The following MORC3 variants were observed in gnomAD, a reference collection of about 807,000 sequenced individuals.
MORC3 encodes the protein MORC family CW-type zinc finger 3.
A neutral mutation model predicts 109.1 loss-of-function variants in MORC3; 31 were observed. The ratio of observed to expected loss-of-function variants is 0.28; its 90% CI spans 0.21 to 0.38. The LOEUF is 0.38. Among genes scored for constraint, MORC3 ranks in the 10% least tolerant of loss-of-function variants. MORC3 has a pLI of 1.00. For missense variants in MORC3, 867 were observed against 1,135.8 expected (o/e 0.76, Z 3.40); for synonymous variants, 395 against 380.7 (o/e 1.04, Z -0.44).
rs369756500 is a variant in MORC3 at position 36,345,413 on chromosome 21, GT to G, written c.1005+390del. ...CTACAGGTGCATGCCACCACGCCTGGTTTTTTTTGTTTTTTGTTTTTTTTTT... is the reference window on the plus strand; with the variant it reads ...CTACAGGTGCATGCCACCACGCCTGGTTTTTTTGTTTTTTGTTTTTTTTTT... On this transcript the variant is annotated intron_variant, in intron 8 of 16. Transcript: ENST00000400485. Among the ~76,000 whole-genome samples the G allele has an allele frequency of 8.3e-4, 125 of 150,874 alleles. 3 individuals are homozygous for G. The East Asian group carries it at 0.023, about 27-fold the overall frequency.
chr21:36,356,762 A>G, intron 10 of MORC3, 38 bp downstream of exon 10: 1 of 1,295,504 alleles, frequency 7.7e-7, no homozygotes, highest in Non-Finnish European at 1.1e-6. Flanking sequence ...TCACTTAGAT[A>G]TCAAGATGTG....
chr21:36,365,196 G>A (rs1412935059), intron 14 of MORC3, among the ~76,000 whole-genome samples: 2 of 152,158 alleles, frequency 1.3e-5, no homozygotes, highest in Non-Finnish European at 2.9e-5. Context: ...AGAAAGTGAT[G>A]CATGAATTGA....
At chr21:36,339,222 C>T (rs1010831620) in intron 5 of MORC3, 7 of 198,646 alleles carry the variant, frequency 3.5e-5, no homozygotes, top group Non-Finnish European at 6.2e-5. Flanking sequence ...TAGGTTTAAG[C>T]GATTCTCCTG....
intron 6 of MORC3, 64 bp downstream of exon 6, chr21:36,341,610 G>T (rs1424029266): frequency 3.1e-6 from 5 of 1,594,118 alleles, no homozygotes; most frequent in Non-Finnish European, 4.3e-6. Context: ...ATTAGGAGAG[G>T]TCATGTTACC....
chr21:36,336,285 C>T (rs143373903), intron 2 of MORC3, among the ~76,000 whole-genome samples: 3,755 of 151,806 alleles, frequency 0.025, 65 homozygotes, highest in Admixed American at 0.046. Context: ...CTGTGTTGCC[C>T]AGGCTAGAGT....
chr21:36,345,270 C>T (rs759015813), intron 8 of MORC3, among the ~76,000 whole-genome samples: 11 of 142,990 alleles, frequency 7.7e-5, no homozygotes, highest in Admixed American at 2.1e-4. Context: ...TTTTTTGAGA[C>T]GGAGTCTGAG....
intron 16 of MORC3, 60 bp from the exon 17 acceptor site, chr21:36,375,083 G>T: frequency 1.4e-6 from 2 of 1,471,876 alleles, no homozygotes; most frequent in South Asian, 1.3e-5. Flanking sequence ...TACTTTTTAA[G>T]GTCTACATGA....
At chr21:36,347,076 A>AT (rs1191335716) in intron 8 of MORC3, among the ~76,000 whole-genome samples, 1 of 152,068 alleles carries the variant, frequency 6.6e-6, no homozygotes, top group African/African-American at 2.4e-5. Flanking sequence ...TGCTTAAGAC[A>AT]TAACAGCGTG....
intron 16 of MORC3, among the ~76,000 whole-genome samples, chr21:36,373,421 C>T (rs1008696357): frequency 4.6e-5 from 7 of 151,858 alleles, no homozygotes; most frequent in African/African-American, 1.7e-4. Flanking sequence ...GTCAGGAGTT[C>T]GAGACCAGCC....
chr21:36,348,535 G>A (rs950954673), intron 8 of MORC3, among the ~76,000 whole-genome samples: 1 of 152,224 alleles, frequency 6.6e-6, no homozygotes, highest in Non-Finnish European at 1.5e-5. Flanking sequence ...AGCCTCCTGA[G>A]TAGCTGGGAT....
At position 36,369,328 on chromosome 21, in the gene MORC3, A is replaced by G. The variant is rs769280395; in HGVS notation, c.1960A>G (p.Thr654Ala). 14 of 1,613,960 alleles carry G rather than the reference A, an allele frequency of 8.7e-6. No homozygotes were observed. In the East Asian group the frequency reaches 2.5e-4, roughly 28 times the overall value. ...VPSLVVKKEE[T>A]VEDEIDVRND... ...AAGTTTAGTTGTTAAAAAAGAAGAA[A>G]CTGTTGAAGACGAGATAGACGTAAG... Residue 654 changes from threonine (T) to alanine (A), a missense_variant, in exon 15 of 17, where the codon ACT becomes GCT. Thr to Ala is a moderately conservative substitution (Grantham distance 58). Transcript: ENST00000400485.
At chr21:36,372,571 G>C (rs1334756371) in intron 16 of MORC3, 40 bp downstream of exon 16, 2 of 1,525,302 alleles carry the variant, frequency 1.3e-6, no homozygotes, top group African/African-American at 2.8e-5. Flanking sequence ...CTGCAATTAT[G>C]GTTAGGATAC....
chr21:36,343,872 A>G (rs967657593), intron 6 of MORC3, among the ~76,000 whole-genome samples: 1 of 152,034 alleles, frequency 6.6e-6, no homozygotes, highest in Non-Finnish European at 1.5e-5. Context: ...AGTAATAGTA[A>G]TAGTAAATAG....
intron 14 of MORC3, 26 bp from the exon 15 acceptor site, chr21:36,368,962 T>C (rs779175473): frequency 4.3e-5 from 66 of 1,529,670 alleles, no homozygotes; most frequent in South Asian, 4.2e-4. Flanking sequence ...TATAATCTTA[T>C]GTTTTATGTA....
chr21:36,337,665 GTATTTATT>G (rs950707610), intron 3 of MORC3, 59 bp from the exon 4 acceptor site: 1 of 1,063,378 alleles, frequency 9.4e-7, no homozygotes, highest in Non-Finnish European at 1.3e-6. Context: ...AAGATTATAG[GTATTTATT>G]TATTTATTTA....
At chr21:36,362,869 TG>T (rs1324697909) in intron 13 of MORC3, among the ~76,000 whole-genome samples, 9 of 152,102 alleles carry the variant, frequency 5.9e-5, no homozygotes, top group Non-Finnish European at 1.3e-4. Context: ...ATTGTTTAGT[TG>T]GGTATCTTCT....
chr21:36,344,628 G>A lies in MORC3; in HGVS notation c.806G>A (p.Arg269His), dbSNP rs1465698426. ...YLKPRMQIIL[R>H]GQKVKTQLVS... ...AAGCCAAGAATGCAGATCATCCTACGTGGACAGAAAGTGAAGACACAGCTG... is the reference window on the plus strand; with the variant it reads ...AAGCCAAGAATGCAGATCATCCTACATGGACAGAAAGTGAAGACACAGCTG... The change falls in exon 7 of 17, where the codon CGT (arginine) becomes CAT (histidine). Residue 269 changes from arginine to histidine, a missense_variant. Around this residue, in one of 7 missense-constraint regions of MORC3, gnomAD observed 120 missense variants for 259.7 expected, o/e 0.46. Transcript: ENST00000400485. The A allele has an allele frequency of 3.1e-6, 5 of 1,613,936 alleles. No individual in the cohort carries two copies. The highest frequency in any genetic ancestry group is 4.2e-6 in the Non-Finnish European group (5 of 1,179,966).
At chr21:36,325,833 A>G (rs1184348990) in intron 1 of MORC3, among the ~76,000 whole-genome samples, 1 of 152,176 alleles carries the variant, frequency 6.6e-6, no homozygotes, top group East Asian at 1.9e-4. Flanking sequence ...GTGTATCCAC[A>G]CTGTGGATAT....
At chr21:36,348,282 C>T (rs1245006033) in intron 8 of MORC3, 1 of 152,180 alleles carries the variant, frequency 6.6e-6, no homozygotes, top group Non-Finnish European at 1.5e-5. Flanking sequence ...TAACTTTTAT[C>T]TCACAAACGT....
Sources: allele counts gnomAD v4.1 joint callset (sites outside exome capture counted in the v4.1 genomes callset), GRCh38; gene constraint gnomAD v4.1.1; regional missense constraint gnomAD v4.1.1; transcripts MANE v1.5; gene names NCBI Gene and HGNC (gene_info 2026-07-23, HGNC 2026-07-21).